The following WWOX variants were observed in gnomAD, a reference collection of about 807,000 sequenced individuals.
WWOX encodes WW domain-containing oxidoreductase.
A neutral mutation model predicts 46.2 loss-of-function variants in WWOX; 69 were observed. That is an observed-to-expected ratio of 1.49 (90% confidence interval 1.23 to 1.82). The LOEUF (loss-of-function observed/expected upper bound fraction) is 1.82, where lower values mean the gene tolerates loss of function less well. WWOX is among the 40% of genes most tolerant of loss of function. WWOX has a pLI of 0.00. For missense variants in WWOX, 919 were observed against 542.6 expected (o/e 1.69, Z -6.89); for synonymous variants, 359 against 202.6 (o/e 1.77, Z -6.56).
intron 8 of WWOX, among the ~76,000 whole-genome samples, chr16:78,796,286 G>A (rs749008660): frequency 1.3e-5 from 2 of 152,166 alleles, no homozygotes; most frequent in Admixed American, 1.3e-4. Context: ...TGACATCTTG[G>A]GCTCAGCCAT....
At chr16:78,494,758 A>G (rs893766599) in intron 8 of WWOX, among the ~76,000 whole-genome samples, 1 of 152,102 alleles carries the variant, frequency 6.6e-6, no homozygotes, top group African/African-American at 2.4e-5. Flanking sequence ...GCGTTTTGTC[A>G]ATTAGCTCCT....
intron 5 of WWOX, among the ~76,000 whole-genome samples, chr16:78,381,902 G>C (rs954969426): frequency 5.3e-5 from 8 of 152,130 alleles, no homozygotes; most frequent in African/African-American, 1.9e-4. Context: ...GTCTTGTTCT[G>C]TTGCCCAGGC....
intron 8 of WWOX, among the ~76,000 whole-genome samples, chr16:79,111,471 C>G (rs908734945): frequency 1.3e-5 from 2 of 152,150 alleles, no homozygotes; most frequent in African/African-American, 4.8e-5. Context: ...GTAGACCTAA[C>G]TGAAATCAAG....
intron 8 of WWOX, among the ~76,000 whole-genome samples, chr16:78,459,897 C>G (rs1378686116): frequency 1.3e-5 from 2 of 151,734 alleles, no homozygotes; most frequent in Admixed American, 6.6e-5. Flanking sequence ...CTTGACCACC[C>G]TGGCTCAGGT....
intron 5 of WWOX, among the ~76,000 whole-genome samples, chr16:78,382,806 G>C (rs959477621): frequency 6.6e-6 from 1 of 152,036 alleles, no homozygotes; most frequent in African/African-American, 2.4e-5. Flanking sequence ...TATGCACAAA[G>C]GTACAGCAAA....
chr16:78,254,771 T>C (rs1244601700), intron 5 of WWOX, among the ~76,000 whole-genome samples: 1 of 152,068 alleles, frequency 6.6e-6, no homozygotes, highest in Admixed American at 6.5e-5. Flanking sequence ...TCAAGCGATC[T>C]GCCTGCCTCA....
At chr16:78,806,959 A>G (rs1024186321) in intron 8 of WWOX, among the ~76,000 whole-genome samples, 1 of 152,210 alleles carries the variant, frequency 6.6e-6, no homozygotes, top group Non-Finnish European at 1.5e-5. Flanking sequence ...TCTGCCTCTT[A>G]CTAGCCACAT....
Position 78,821,491 on chromosome 16 carries a change from C to G in WWOX, c.1056+388739C>G, listed in dbSNP as rs1365736358. On this transcript the variant is annotated intron_variant, in intron 8 of 8. Coordinates refer to ENST00000566780, the MANE Select transcript of WWOX (RefSeq NM_016373.4). Reference sequence around the variant, plus strand: ...AAAATATTGTGATCCTGGCCTTTGTCCATTGTGTAATCTTCACAGTGACCA... The same window carrying G: ...AAAATATTGTGATCCTGGCCTTTGTGCATTGTGTAATCTTCACAGTGACCA... 2.6e-5 allele frequency among the ~76,000 whole-genome samples: 4 copies of G among 152,180 alleles called. No homozygotes were observed. The East Asian group carries it at 7.7e-4, about 29-fold the overall frequency.
chr16:78,929,636 C>T (rs193131898), intron 8 of WWOX, among the ~76,000 whole-genome samples: 3 of 152,212 alleles, frequency 2.0e-5, no homozygotes, highest in Admixed American at 2.0e-4. Flanking sequence ...GCTTCTATTT[C>T]TGGGGTTGGG....
chr16:79,132,106 C>G (rs2049890329), intron 8 of WWOX, among the ~76,000 whole-genome samples: 1 of 150,782 alleles, frequency 6.6e-6, no homozygotes, highest in Admixed American at 6.6e-5. Context: ...CCGTATCACT[C>G]TCCCACCCAA....
At chr16:78,799,087 T>A (rs945776636) in intron 8 of WWOX, among the ~76,000 whole-genome samples, 1 of 152,234 alleles carries the variant, frequency 6.6e-6, no homozygotes, top group African/African-American at 2.4e-5. Context: ...TCACAATAAG[T>A]GTTTTTAAAT....
At chr16:78,216,390 T>C (rs1274918269) in intron 5 of WWOX, among the ~76,000 whole-genome samples, 1 of 152,204 alleles carries the variant, frequency 6.6e-6, no homozygotes, top group East Asian at 1.9e-4. Flanking sequence ...CTGTAACACA[T>C]TATCACCAGT....
intron 8 of WWOX, among the ~76,000 whole-genome samples, chr16:78,484,536 A>C (rs1249403465): frequency 6.6e-6 from 1 of 152,252 alleles, no homozygotes; most frequent in Admixed American, 6.5e-5. Flanking sequence ...TGTTATCCAC[A>C]ATTGACTTAT....
At chr16:78,815,395 T>C (rs1181146840) in intron 8 of WWOX, among the ~76,000 whole-genome samples, 1 of 152,054 alleles carries the variant, frequency 6.6e-6, no homozygotes, top group Non-Finnish European at 1.5e-5. Context: ...CTGCTGTTAC[T>C]AACTGGAGTA....
rs567311085 is a variant in WWOX at position 78,344,766 on chromosome 16, T to A, written c.517-42094T>A. 5.7e-5 allele frequency among the ~76,000 whole-genome samples: 7 copies of A among 122,098 alleles called. No homozygotes were observed. In the South Asian group the frequency reaches 1.7e-3, roughly 30 times the overall value. The allele number at this position is 122,098 out of a possible 152,430, so 80.1% of individuals were successfully genotyped here. ...CAAGTCAGTTGCCATTTGGCCCTGA[T>A]AAAGCTGTACTTTCTCACTTGTTCC... On this transcript the variant is annotated intron_variant, in intron 5 of 8. Coordinates refer to ENST00000566780, the MANE Select transcript of WWOX (RefSeq NM_016373.4).
intron 8 of WWOX, among the ~76,000 whole-genome samples, chr16:78,882,767 G>T (rs565032138): frequency 3.1e-4 from 47 of 151,760 alleles, no homozygotes; most frequent in African/African-American, 1.1e-3. Flanking sequence ...GGGATTACAG[G>T]CATGAGCCAC....
At chr16:78,821,195 T>G (rs1323082185) in intron 8 of WWOX, among the ~76,000 whole-genome samples, 2 of 152,126 alleles carry the variant, frequency 1.3e-5, no homozygotes, top group African/African-American at 4.8e-5. Context: ...AATTGTGGCT[T>G]CACACCCATC....
intron 5 of WWOX, among the ~76,000 whole-genome samples, chr16:78,382,717 G>T (rs573092494): frequency 2.0e-5 from 3 of 152,208 alleles, no homozygotes; most frequent in Admixed American, 1.3e-4. Context: ...TGGTTTGCTT[G>T]GTGGTGATGG....
chr16:79,085,359 G>A lies in WWOX; in HGVS notation c.1057-126249G>A, dbSNP rs1424239398. ...CAAGAAAATGATATGAGGTTGAAGT[G>A]GACAGATGATGCTTTTCACTCTTCT... On this transcript the variant is annotated intron_variant, in intron 8 of 8. Transcript: ENST00000566780. Among the ~76,000 whole-genome samples, 3 of 152,126 alleles carry A rather than the reference G, an allele frequency of 2.0e-5. No individual in the cohort carries two copies. In the East Asian group the frequency reaches 5.8e-4, roughly 29 times the overall value.
Sources: gnomAD v4.1 joint callset for allele counts (sites outside exome capture counted in the v4.1 genomes callset) on GRCh38, gnomAD v4.1.1 for gene constraint, MANE v1.5 for transcripts, NCBI Gene and HGNC (gene_info 2026-07-23, HGNC 2026-07-21) for gene names.